The following RAD51B variants were observed in gnomAD, a reference collection of about 807,000 sequenced individuals.
RAD51B encodes the protein RAD51 paralog B.
RAD51B carries 38 observed loss-of-function variants against 42.2 expected under a neutral mutation model. The ratio of observed to expected loss-of-function variants is 0.90; its 90% CI spans 0.70 to 1.18. The LOEUF (loss-of-function observed/expected upper bound fraction) is 1.18, where lower values mean the gene tolerates loss of function less well. RAD51B is among the 50% of genes most tolerant of loss of function. The pLI, the probability that RAD51B is intolerant of heterozygous loss-of-function variation, is 0.00. For synonymous variants in RAD51B, 154 were observed against 145.2 expected, an observed-to-expected ratio of 1.06 and a Z score of -0.43; for missense variants, 373 against 400.7, an observed-to-expected ratio of 0.93 and a Z score of 0.59.
At chr14:68,348,473 G>C (rs1482479702) in intron 8 of RAD51B, among the ~76,000 whole-genome samples, 3 of 152,200 alleles carry the variant, frequency 2.0e-5, no homozygotes, top group Non-Finnish European at 4.4e-5. Context: ...GTTTATGCAA[G>C]ACTTGATGGT....
At chr14:68,123,733 G>A (rs561613001) in intron 7 of RAD51B, among the ~76,000 whole-genome samples, 4 of 152,242 alleles carry the variant, frequency 2.6e-5, no homozygotes, top group Non-Finnish European at 5.9e-5. Context: ...GCTTCAACCC[G>A]GGAGGTGGAG....
chr14:68,454,307 T>C (rs181333451), intron 9 of RAD51B, among the ~76,000 whole-genome samples: 5 of 151,950 alleles, frequency 3.3e-5, no homozygotes, highest in Admixed American at 6.6e-5. Context: ...AATAAGGCAC[T>C]CCCAAACTCT....
chr14:67,924,006 T>A (rs1178934631), intron 7 of RAD51B, among the ~76,000 whole-genome samples: 2 of 152,238 alleles, frequency 1.3e-5, no homozygotes, highest in Non-Finnish European at 2.9e-5. Flanking sequence ...CATATGCTTG[T>A]CGGCCATTTG....
intron 9 of RAD51B, among the ~76,000 whole-genome samples, chr14:68,425,979 C>CTTTCTTTCTTT (rs1555408046): frequency 0.022 from 1,302 of 58,228 alleles, 18 homozygotes; most frequent in African/African-American, 0.03. Context: ...TTTCTTTCTT[C>CTTTCTTTCTTT]CTTCCTTCCT....
intron 10 of RAD51B, among the ~76,000 whole-genome samples, chr14:68,558,008 G>C (rs1888944117): frequency 6.6e-6 from 1 of 152,174 alleles, no homozygotes; most frequent in Non-Finnish European, 1.5e-5. Context: ...CTCTCTAACA[G>C]CAGGACCTCT....
At chr14:67,893,294 T>C (rs556532309) in intron 7 of RAD51B, among the ~76,000 whole-genome samples, 1 of 151,706 alleles carries the variant, frequency 6.6e-6, no homozygotes, top group East Asian at 1.9e-4. Flanking sequence ...TTTTGGTAAA[T>C]CTAAAATTGT....
At chr14:68,006,102 A>C (rs2075587528) in intron 7 of RAD51B, among the ~76,000 whole-genome samples, 1 of 152,178 alleles carries the variant, frequency 6.6e-6, no homozygotes. Flanking sequence ...AACACCTTCC[A>C]CCAGGCCCCA....
At chr14:68,652,148 C>T (rs1391681293) in intron 11 of RAD51B, among the ~76,000 whole-genome samples, 3 of 152,238 alleles carry the variant, frequency 2.0e-5, no homozygotes, top group Non-Finnish European at 2.9e-5. Flanking sequence ...CCCAACACGA[C>T]GCCAACTTCA....
intron 5 of RAD51B, among the ~76,000 whole-genome samples, chr14:67,879,065 C>G (rs2042821756): frequency 6.6e-6 from 1 of 152,092 alleles, no homozygotes; most frequent in Non-Finnish European, 1.5e-5. Flanking sequence ...AAAATAGAAC[C>G]AGTAGAACAT....
chr14:68,299,138 C>T (rs540388245), intron 8 of RAD51B, among the ~76,000 whole-genome samples: 42 of 152,010 alleles, frequency 2.8e-4, no homozygotes, highest in African/African-American at 1.0e-3. Flanking sequence ...TGTTTCTCTA[C>T]CAAAACCTTT....
chr14:67,835,347 T>G, intron 4 of RAD51B, 151 bp downstream of exon 4: 1 of 631,982 alleles, frequency 1.6e-6, no homozygotes, highest in Non-Finnish European at 2.7e-6. Flanking sequence ...ACTCAGTACT[T>G]AGTGTGGTTG....
At chr14:68,356,673 G>A (rs2082911240) in intron 8 of RAD51B, among the ~76,000 whole-genome samples, 1 of 151,968 alleles carries the variant, frequency 6.6e-6, no homozygotes, top group Non-Finnish European at 1.5e-5. Context: ...TGGAGTGGCT[G>A]TAGCAATTTC....
intron 7 of RAD51B, among the ~76,000 whole-genome samples, chr14:67,954,935 T>A (rs1194420341): frequency 6.6e-6 from 1 of 151,980 alleles, no homozygotes; most frequent in Non-Finnish European, 1.5e-5. Flanking sequence ...GGAAGGAATG[T>A]TTAGAGATCA....
At chr14:68,240,555 G>A (rs1321163361) in intron 7 of RAD51B, among the ~76,000 whole-genome samples, 1 of 152,198 alleles carries the variant, frequency 6.6e-6, no homozygotes, top group Non-Finnish European at 1.5e-5. Flanking sequence ...ATTGCTAGTA[G>A]AGTAAGATAA....
intron 10 of RAD51B, among the ~76,000 whole-genome samples, chr14:68,523,628 A>G (rs1409034089): frequency 6.6e-6 from 1 of 152,132 alleles, no homozygotes; most frequent in Non-Finnish European, 1.5e-5. Flanking sequence ...TCTGCCTATC[A>G]TTTACCCCCT....
At chr14:68,432,793 T>TATG (rs1344710758) in intron 9 of RAD51B, among the ~76,000 whole-genome samples, 3 of 151,512 alleles carry the variant, frequency 2.0e-5, no homozygotes, top group Non-Finnish European at 3.0e-5. Context: ...ATCCTGTCAT[T>TATG]ATGTTAGCTG....
chr14:67,929,122 T>A (rs1278630948), intron 7 of RAD51B, among the ~76,000 whole-genome samples: 1 of 152,038 alleles, frequency 6.6e-6, no homozygotes, highest in East Asian at 1.9e-4. Context: ...ATTTCTTTTC[T>A]TCTGCTAATT....
chr14:68,642,220 G>A (rs944719673), intron 10 of RAD51B, among the ~76,000 whole-genome samples: 7 of 152,142 alleles, frequency 4.6e-5, no homozygotes, highest in Non-Finnish European at 7.3e-5. Flanking sequence ...TCACCAATGA[G>A]CCCATCTGGG....
chr14:68,247,790 T>G (rs2080531072), intron 7 of RAD51B, among the ~76,000 whole-genome samples: 1 of 152,232 alleles, frequency 6.6e-6, no homozygotes, highest in Non-Finnish European at 1.5e-5. Context: ...AGCACTTATT[T>G]AAGAATGATC....
Sources: allele counts gnomAD v4.1 joint callset (sites outside exome capture counted in the v4.1 genomes callset), GRCh38; gene constraint gnomAD v4.1.1; transcripts MANE v1.5; gene names NCBI Gene and HGNC (gene_info 2026-07-23, HGNC 2026-07-21).